The following TUSC3 variants were observed in gnomAD, a reference collection of about 807,000 sequenced individuals.
TUSC3 encodes dolichyl-diphosphooligosaccharide--protein glycosyltransferase subunit TUSC3.
A neutral mutation model predicts 44.8 loss-of-function variants in TUSC3; 45 were observed. That is an observed-to-expected ratio of 1.00 (90% CI 0.79 to 1.29). The LOEUF (loss-of-function observed/expected upper bound fraction) is 1.29. Ranked by LOEUF, TUSC3 falls within the 50% of genes most tolerant of loss-of-function variation. The pLI is 0.00. For synonymous variants in TUSC3, 212 were observed against 152.9 expected (o/e 1.39, Z -2.85); for missense variants, 519 against 437.9 (o/e 1.19, Z -1.65).
chr8:15,728,264 A>G (rs1810579617), intron 6 of TUSC3, among the ~76,000 whole-genome samples: 1 of 152,174 alleles, frequency 6.6e-6, no homozygotes, highest in Non-Finnish European at 1.5e-5. Context: ...GGGTAGAGTC[A>G]GGGAGAATAA....
chr8:15,482,804 C>T (rs1300187819), intron 1 of TUSC3, among the ~76,000 whole-genome samples: 1 of 152,088 alleles, frequency 6.6e-6, no homozygotes, highest in Non-Finnish European at 1.5e-5. Flanking sequence ...TAGGAAAAAT[C>T]CAGTAAACAT....
chr8:15,763,047 G>T (rs1812219562), intron 10 of TUSC3, among the ~76,000 whole-genome samples: 1 of 151,586 alleles, frequency 6.6e-6, no homozygotes, highest in African/African-American at 2.4e-5. Flanking sequence ...CAGCTAACAA[G>T]AGTAATTTTT....
rs139163566 is a variant in TUSC3, at chr8:15,650,718, A to G, written c.330A>G (p.Gln110=). The G allele has an allele frequency of 8.1e-6, 13 of 1,614,006 alleles. No individual in the cohort carries two copies. The highest frequency in any genetic ancestry group is 1.3e-5 in the African/African-American group (1 of 74,910). ...TCAGGCAAGCTAATGAAGAATATCA[A>G]ATACTGGCGAACTCCTGGCGCTATT... The part of the protein sequence containing the change: ...SVCRQANEEY[Q]ILANSWRYSS... Residue 110 remains glutamine, a synonymous_variant, in exon 3 of 11, where the codon CAA becomes CAG. Coordinates refer to ENST00000503731, the MANE Select transcript of TUSC3 (RefSeq NM_006765.4).
chr8:15,799,524 T>A, the TUSC3 span, among the ~76,000 whole-genome samples: 5 of 152,306 alleles, frequency 3.3e-5, no homozygotes, highest in East Asian at 9.7e-4. Flanking sequence ...TGAACCTGCT[T>A]CCTGGTATTG....
At chr8:15,575,944 T>A (rs1386971521) in intron 1 of TUSC3, among the ~76,000 whole-genome samples, 3 of 148,458 alleles carry the variant, frequency 2.0e-5, no homozygotes, top group Non-Finnish European at 3.0e-5. Context: ...TTATGGTTTA[T>A]ATATTCAATA....
intron 6 of TUSC3, among the ~76,000 whole-genome samples, chr8:15,721,357 T>A (rs1810298353): frequency 6.6e-6 from 1 of 151,998 alleles, no homozygotes; most frequent in Non-Finnish European, 1.5e-5. Context: ...TTTTAAGCCA[T>A]AAAAGTTTTT....
chr8:15,750,913 T>G (rs1811670042), intron 9 of TUSC3, among the ~76,000 whole-genome samples: 2 of 151,946 alleles, frequency 1.3e-5, no homozygotes, highest in Non-Finnish European at 2.9e-5. Context: ...ATATGAAATT[T>G]GACATAGTTT....
intron 1 of TUSC3, among the ~76,000 whole-genome samples, chr8:15,568,616 T>C (rs1802758489): frequency 6.6e-6 from 1 of 151,874 alleles, no homozygotes; most frequent in Non-Finnish European, 1.5e-5. Context: ...TTTTTTTTTT[T>C]TTTTCCTGTG....
intron 1 of TUSC3, among the ~76,000 whole-genome samples, chr8:15,452,971 C>T (rs142694905): frequency 1.5e-4 from 23 of 152,086 alleles, no homozygotes; most frequent in African/African-American, 5.1e-4. Flanking sequence ...GACCAGATAG[C>T]GACCACTCCC....
At chr8:15,597,984 T>G (rs923995002) in intron 1 of TUSC3, among the ~76,000 whole-genome samples, 2 of 152,070 alleles carry the variant, frequency 1.3e-5, no homozygotes, top group African/African-American at 4.8e-5. Flanking sequence ...ACACTTATTC[T>G]GTGTCCTAGC....
chr8:15,668,327 A>G (rs542056144), intron 5 of TUSC3, among the ~76,000 whole-genome samples: 3 of 151,818 alleles, frequency 2.0e-5, no homozygotes, highest in East Asian at 3.9e-4. Context: ...CTTAACTTAC[A>G]TATTCACATA....
the TUSC3 span, among the ~76,000 whole-genome samples, chr8:15,771,766 G>A: frequency 3.9e-5 from 6 of 152,208 alleles, no homozygotes; most frequent in South Asian, 1.2e-3. Flanking sequence ...TTCAGAGGGG[G>A]ATTTGTAGCT....
chr8:15,498,665 C>G (rs1294605550), intron 2 of TUSC3, among the ~76,000 whole-genome samples: 2 of 152,204 alleles, frequency 1.3e-5, no homozygotes, highest in Non-Finnish European at 2.9e-5. Flanking sequence ...CAGTTGCCTT[C>G]TTAGTCAAGC....
At chr8:15,534,761 G>T (rs941693734) in intron 2 of TUSC3, among the ~76,000 whole-genome samples, 1 of 152,132 alleles carries the variant, frequency 6.6e-6, no homozygotes, top group Non-Finnish European at 1.5e-5. Flanking sequence ...AGACCTCAGG[G>T]GTGCCTCATG....
intron 6 of TUSC3, among the ~76,000 whole-genome samples, chr8:15,697,363 G>A (rs890042599): frequency 2.0e-5 from 3 of 152,084 alleles, no homozygotes; most frequent in Non-Finnish European, 4.4e-5. Context: ...TCCTTGAGCT[G>A]TGACCTTAGA....
chr8:15,715,949 CTG>C (rs1297045267), intron 6 of TUSC3, among the ~76,000 whole-genome samples: 1 of 151,914 alleles, frequency 6.6e-6, no homozygotes, highest in Non-Finnish European at 1.5e-5. Flanking sequence ...TGAGTTTTGA[CTG>C]TGCTTACATA....
rs182022496 is a variant in TUSC3 at position 15,521,061 on chromosome 8, T to C, written n.189+37578T>C. ...CATTGAGTCCAGCTTGACGAGTAGA[T>C]GAGTTTATTAGGACTTACATACAGG... is the stretch of plus-strand genomic sequence containing the variant. On this transcript the variant is annotated intron_variant and non_coding_transcript_variant, in intron 2 of 5. Transcript: ENST00000503191. 1.4e-4 allele frequency among the ~76,000 whole-genome samples: 21 copies of C among 152,294 alleles called. No individual in the cohort carries two copies. In the East Asian group the frequency reaches 3.5e-3, roughly 25 times the overall value.
At chr8:15,521,094 T>G (rs2129129394) in intron 2 of TUSC3, among the ~76,000 whole-genome samples, 1 of 152,332 alleles carries the variant, frequency 6.6e-6, no homozygotes, top group Non-Finnish European at 1.5e-5. Context: ...AGGGCATTCC[T>G]GGATGGCAGC....
At chr8:15,793,253 C>T in the TUSC3 span, among the ~76,000 whole-genome samples, 1 of 152,148 alleles carries the variant, frequency 6.6e-6, no homozygotes, top group Non-Finnish European at 1.5e-5. Flanking sequence ...TATGGAAACT[C>T]TGCTGCTTCT....
Sources: allele counts gnomAD v4.1 joint callset (sites outside exome capture counted in the v4.1 genomes callset), GRCh38; gene constraint gnomAD v4.1.1; transcripts MANE v1.5; gene names NCBI Gene and HGNC (gene_info 2026-07-23, HGNC 2026-07-21).